NPAS2: variants seen among roughly 807,000 people sequenced by gnomAD.
The protein encoded by NPAS2 is neuronal PAS domain protein 2, also known as neuronal PAS domain-containing protein 2.
A neutral mutation model predicts 107.5 loss-of-function variants in NPAS2; 23 were observed. That is an observed-to-expected ratio of 0.21 (90% CI 0.15 to 0.30). The LOEUF is 0.30. NPAS2 is among the 10% of genes least tolerant of loss of function. The pLI, the probability that NPAS2 is intolerant of heterozygous loss-of-function variation, is 1.00. For synonymous variants in NPAS2, 403 were observed against 417.5 expected, an observed-to-expected ratio of 0.97 and a Z score of 0.42; for missense variants, 756 against 1,043.3, an observed-to-expected ratio of 0.72 and a Z score of 3.79.
chr2:100,991,742 T>A (rs567177529), intron 19 of NPAS2, among the ~76,000 whole-genome samples: 42 of 148,196 alleles, frequency 2.8e-4, no homozygotes, highest in Admixed American at 9.9e-4. Flanking sequence ...TCGGTCTTTT[T>A]TTGTTTGTTT....
intron 3 of NPAS2, among the ~76,000 whole-genome samples, chr2:100,927,306 G>T (rs1175634698): frequency 6.6e-6 from 1 of 152,160 alleles, no homozygotes; most frequent in African/African-American, 2.4e-5. Flanking sequence ...TTTTGTAGAT[G>T]TCGTAAGGTG....
intron 1 of NPAS2, among the ~76,000 whole-genome samples, chr2:100,830,473 C>T (rs1676662455): frequency 7.0e-6 from 1 of 142,758 alleles, no homozygotes; most frequent in South Asian, 2.5e-4. Context: ...CCCTCCCCCT[C>T]CCCCGACCCC....
chr2:100,857,356 T>C (rs1678644090), intron 1 of NPAS2, among the ~76,000 whole-genome samples: 1 of 151,904 alleles, frequency 6.6e-6, no homozygotes. Context: ...GAGCTTTCAT[T>C]TGTTGAAAAC....
chr2:100,835,837 G>T (rs931245159), intron 1 of NPAS2, among the ~76,000 whole-genome samples: 1 of 152,078 alleles, frequency 6.6e-6, no homozygotes, highest in Admixed American at 6.6e-5. Context: ...GTCACTCAGG[G>T]TCACCCCAAA....
intron 5 of NPAS2, among the ~76,000 whole-genome samples, chr2:100,939,325 TC>T (rs1674435500): frequency 6.6e-6 from 1 of 152,180 alleles, no homozygotes; most frequent in Non-Finnish European, 1.5e-5. Context: ...CCCTTTGTGT[TC>T]CAGCCCATTT....
intron 5 of NPAS2, among the ~76,000 whole-genome samples, chr2:100,939,782 C>T (rs568755086): frequency 4.9e-4 from 74 of 152,220 alleles, no homozygotes; most frequent in Non-Finnish European, 9.7e-4. Context: ...AGTTGCTGTA[C>T]GTGGCAGACG....
At position 100,847,374 on chromosome 2, in the gene NPAS2, A is replaced by AT. The variant is rs879848513; in HGVS notation, c.-23+26973dup. On this transcript the variant is annotated intron_variant, in intron 1 of 20. Coordinates refer to ENST00000335681, the MANE Select transcript of NPAS2 (RefSeq NM_002518.4). ...GTATACTTTACCACAATAAAAATGA[A>AT]TTTTTTTTTTTTTGAGACGGAGTCT... 4.5e-3 allele frequency among the ~76,000 whole-genome samples: 660 copies of AT among 148,274 alleles called. 5 individuals carry two copies. The highest frequency in any genetic ancestry group is 0.011 in the African/African-American group (440 of 40,660).
chr2:100,889,665 G>T (rs1208212466), intron 1 of NPAS2, among the ~76,000 whole-genome samples: 2 of 152,062 alleles, frequency 1.3e-5, no homozygotes, highest in Non-Finnish European at 2.9e-5. Flanking sequence ...GTTTTATCAA[G>T]GTGGTGGGAG....
chr2:100,917,398 G>A (rs1682954566), intron 2 of NPAS2, among the ~76,000 whole-genome samples: 1 of 151,976 alleles, frequency 6.6e-6, no homozygotes, highest in South Asian at 2.1e-4. Flanking sequence ...CGTGGTGGCG[G>A]GCACCTGTAA....
chr2:100,949,334 C>A (rs2105051375), intron 6 of NPAS2, 33 bp from the exon 7 acceptor site: 1 of 1,243,038 alleles, frequency 8.0e-7, no homozygotes, highest in South Asian at 1.2e-5. Flanking sequence ...GCTCACGACC[C>A]CTTTCTCTCC....
At chr2:100,919,173 T>C (rs1226211570) in intron 2 of NPAS2, among the ~76,000 whole-genome samples, 1 of 152,206 alleles carries the variant, frequency 6.6e-6, no homozygotes, top group African/African-American at 2.4e-5. Context: ...TTTTACGACA[T>C]TCTTGAAAAG....
intron 7 of NPAS2, among the ~76,000 whole-genome samples, chr2:100,954,688 AAG>A (rs1675458480): frequency 6.6e-6 from 1 of 150,450 alleles, no homozygotes; most frequent in Non-Finnish European, 1.5e-5. Flanking sequence ...AAAGAAAAAA[AAG>A]AAAAGAAAAA....
chr2:100,948,296 A>G lies in NPAS2; in HGVS notation c.425A>G (p.Tyr142Cys). The part of the protein sequence containing the change: ...FLPEQEHSEV[Y>C]KILSSHMLVT... ...CCAGAACAAGAACATTCAGAAGTTT[A>G]TAAAATCCTTTCTTCCCATATGCTT... Residue 142 changes from tyrosine to cysteine, a missense_variant, in exon 6 of 21, where the codon TAT (tyrosine) becomes TGT (cysteine). Tyr to Cys is a radical substitution (Grantham distance 194, BLOSUM62 -2). Around this residue, in one of 4 missense-constraint regions of NPAS2, gnomAD observed 146 missense variants for 249.6 expected, o/e 0.58. Transcript: ENST00000335681. 1 of 1,613,370 alleles carries G rather than the reference A, an allele frequency of 6.2e-7. No homozygotes were observed. Among genetic ancestry groups the G allele is most frequent in the Non-Finnish European group, 8.5e-7 (1 of 1,179,718 alleles).
intron 19 of NPAS2, among the ~76,000 whole-genome samples, chr2:100,991,757 G>A (rs1433063025): frequency 6.6e-6 from 1 of 152,160 alleles, no homozygotes; most frequent in Non-Finnish European, 1.5e-5. Context: ...TTGTTTGTTT[G>A]TTTTTTAAAC....
At chr2:100,891,363 G>C (rs1347183752) in intron 1 of NPAS2, among the ~76,000 whole-genome samples, 2 of 152,200 alleles carry the variant, frequency 1.3e-5, no homozygotes, top group Non-Finnish European at 1.5e-5. Flanking sequence ...GGTGCAACAT[G>C]AGGGTATGTC....
At chr2:100,878,542 A>G (rs532441067) in intron 1 of NPAS2, 1 of 985,438 alleles carries the variant, frequency 1.0e-6, no homozygotes, top group Middle Eastern at 5.2e-4. Flanking sequence ...CTAAAGGAAC[A>G]CCTGGTTTTA....
At chr2:100,838,438 T>A (rs1439071549) in intron 1 of NPAS2, among the ~76,000 whole-genome samples, 1 of 152,016 alleles carries the variant, frequency 6.6e-6, no homozygotes, top group Non-Finnish European at 1.5e-5. Context: ...CCACCACGCC[T>A]GACTAATTTT....
In NPAS2 at chr2:100,968,959, T is replaced by C. The variant is rs1392894615; in HGVS notation, c.1055+531T>C. Among the ~76,000 whole-genome samples, 2 of 152,148 alleles carry C rather than the reference T, an allele frequency of 1.3e-5. No homozygotes were observed. Among genetic ancestry groups the C allele is most frequent in the African/African-American group, 4.8e-5 (2 of 41,440 alleles). On this transcript the variant is annotated intron_variant, in intron 11 of 20. Coordinates refer to ENST00000335681, the MANE Select transcript of NPAS2 (RefSeq NM_002518.4). This position sits in a 1 kb window ranked among gnomAD's most constrained non-coding sequence, Gnocchi z 5.3. ...GGTCCCTGCTGGCCTCAGGGAGCCCTCCACCCAGGGCGGGTGAGCAGGACT... is the reference window on the plus strand; with the variant it reads ...GGTCCCTGCTGGCCTCAGGGAGCCCCCCACCCAGGGCGGGTGAGCAGGACT...
chr2:100,838,148 C>T (rs959931837), intron 1 of NPAS2, among the ~76,000 whole-genome samples: 3 of 151,384 alleles, frequency 2.0e-5, no homozygotes, highest in Admixed American at 1.3e-4. Flanking sequence ...TCTTTCAAGC[C>T]CTGAAATTGT....
Sources: gnomAD v4.1 joint callset for allele counts (sites outside exome capture counted in the v4.1 genomes callset) on GRCh38, gnomAD v4.1.1 for gene constraint, gnomAD v4.1.1 regional missense constraint, Gnocchi (gnomAD v3.1) non-coding constraint, MANE v1.5 for transcripts, NCBI Gene and HGNC (gene_info 2026-07-23, HGNC 2026-07-21) for gene names.